GPC6: variants seen among roughly 807,000 people sequenced by gnomAD.
GPC6 encodes the protein glypican 6, also known as glypican-6.
GPC6 carries 14 observed loss-of-function variants against 55.2 expected under a neutral mutation model. That is an observed-to-expected ratio of 0.25 (90% CI 0.17 to 0.40). The LOEUF (loss-of-function observed/expected upper bound fraction) is 0.40. Among genes scored for constraint, GPC6 ranks in the 10% least tolerant of loss-of-function variants. The pLI, the probability that GPC6 is intolerant of heterozygous loss-of-function variation, is 1.00. For synonymous variants in GPC6, 278 were observed against 259.6 expected (o/e 1.07, Z -0.68); for missense variants, 641 against 708.5 (o/e 0.90, Z 1.08).
At chr13:94,056,115 G>C (rs1006840157) in intron 4 of GPC6, among the ~76,000 whole-genome samples, 3 of 152,156 alleles carry the variant, frequency 2.0e-5, no homozygotes, top group African/African-American at 7.2e-5. Context: ...AGTCATCTGT[G>C]ATAAATCCTG....
chr13:93,647,003 T>C (rs576225885), intron 2 of GPC6, among the ~76,000 whole-genome samples: 2 of 152,270 alleles, frequency 1.3e-5, no homozygotes, highest in Non-Finnish European at 2.9e-5. Flanking sequence ...CATTAAAAAG[T>C]ATTCAATTGC....
chr13:94,060,914 G>A (rs1284706622), intron 4 of GPC6, among the ~76,000 whole-genome samples: 2 of 152,138 alleles, frequency 1.3e-5, no homozygotes, highest in African/African-American at 2.4e-5. Context: ...CAACACTCAC[G>A]GAGTATTTTT....
chr13:93,324,587 C>CATATAT lies in GPC6; in HGVS notation c.160+96991_160+96996dup, dbSNP rs34871661. On this transcript the variant is annotated intron_variant, in intron 1 of 8. Coordinates refer to ENST00000377047, the MANE Select transcript of GPC6 (RefSeq NM_005708.5). ...ATATATATATACACACACATACATA[C>CATATAT]ATATATATATATATATATATATATA... Among the ~76,000 whole-genome samples the CATATAT allele has an allele frequency of 7.8e-3, 956 of 122,854 alleles. 5 individuals carry two copies. Among genetic ancestry groups the CATATAT allele is most frequent in the African/African-American group, 0.02 (690 of 35,180 alleles). The allele number at this position is 122,854 out of a possible 152,430, so 80.6% of individuals were successfully genotyped here. A position where few individuals can be genotyped will look rare whatever the true frequency, so the allele number is the denominator to read the frequency against.
chr13:93,516,505 C>T (rs191145354), intron 1 of GPC6, among the ~76,000 whole-genome samples: 1 of 152,154 alleles, frequency 6.6e-6, no homozygotes, highest in Admixed American at 6.5e-5. Flanking sequence ...GCTGTGAATA[C>T]ATTTTTCAAG....
intron 2 of GPC6, among the ~76,000 whole-genome samples, chr13:93,696,771 C>T (rs544357683): frequency 1.1e-3 from 161 of 151,960 alleles, no homozygotes; most frequent in East Asian, 3.9e-3. Context: ...TACAGGCACC[C>T]ACCACTACGC....
Position 93,444,333 on chromosome 13 carries a change from G to A in GPC6, c.161-100930G>A, listed in dbSNP as rs577772033. Reference sequence around the variant, plus strand: ...ATTAACTCATCATCACGCTACCCTGGCGCCGTGTCTCACGGCTGGAATCCC... The same window carrying A: ...ATTAACTCATCATCACGCTACCCTGACGCCGTGTCTCACGGCTGGAATCCC... On this transcript the variant is annotated intron_variant, in intron 1 of 8. Coordinates refer to ENST00000377047, the MANE Select transcript of GPC6 (RefSeq NM_005708.5). 5.3e-5 allele frequency among the ~76,000 whole-genome samples: 8 copies of A among 151,996 alleles called. No homozygotes were observed. In the East Asian group the frequency reaches 1.2e-3, roughly 22 times the overall value.
chr13:93,980,035 T>C (rs1319374565), intron 3 of GPC6, among the ~76,000 whole-genome samples: 1 of 152,138 alleles, frequency 6.6e-6, no homozygotes, highest in Non-Finnish European at 1.5e-5. Context: ...AGGCAACCTC[T>C]TTTTCCACTA....
intron 1 of GPC6, among the ~76,000 whole-genome samples, chr13:93,526,222 G>A (rs772120693): frequency 1.3e-5 from 2 of 151,860 alleles, no homozygotes; most frequent in Admixed American, 6.6e-5. Flanking sequence ...TCCATAAATC[G>A]CCATACATCA....
chr13:94,294,284 A>G (rs1238201236), intron 5 of GPC6, among the ~76,000 whole-genome samples: 1 of 152,192 alleles, frequency 6.6e-6, no homozygotes, highest in East Asian at 1.9e-4. Flanking sequence ...ATCTAAATTA[A>G]GAAGGAAGAC....
chr13:93,949,013 C>A (rs1219080820), intron 3 of GPC6, among the ~76,000 whole-genome samples: 1 of 152,140 alleles, frequency 6.6e-6, no homozygotes, highest in Non-Finnish European at 1.5e-5. Flanking sequence ...GGGCTTTCCT[C>A]TTCATTTTCA....
chr13:93,307,790 A>G (rs1427149827), intron 1 of GPC6, among the ~76,000 whole-genome samples: 1 of 152,196 alleles, frequency 6.6e-6, no homozygotes, highest in East Asian at 1.9e-4. Context: ...GACTATGTTA[A>G]TAATATATTT....
intron 3 of GPC6, among the ~76,000 whole-genome samples, chr13:94,014,863 C>T (rs1439431606): frequency 6.6e-6 from 1 of 152,120 alleles, no homozygotes; most frequent in Non-Finnish European, 1.5e-5. Flanking sequence ...AGTATGTATC[C>T]AAATTTTATT....
At position 94,081,844 on chromosome 13, in the gene GPC6, C is replaced by CTTTTTTTTTTTTTTTTTTT. The variant is rs201141414; in HGVS notation, c.877+53964_877+53965insTTTTTTTTTTTTTTTTTTT. Among the ~76,000 whole-genome samples the CTTTTTTTTTTTTTTTTTTT allele has an allele frequency of 1.1e-4, 14 of 133,000 alleles. 1 individual carries two copies. The highest frequency in any genetic ancestry group is 3.4e-4 in the African/African-American group (12 of 35,548). 87.3% of individuals were successfully genotyped at this position (133,000 alleles called of 152,430 possible). A position where few individuals can be genotyped will look rare whatever the true frequency, so the allele number is the denominator to read the frequency against. On this transcript the variant is annotated intron_variant, in intron 4 of 8. Coordinates refer to ENST00000377047, the MANE Select transcript of GPC6 (RefSeq NM_005708.5). ...CATGTCTATGCCTTCTACTACTTTC[C>CTTTTTTTTTTTTTTTTTTT]TTTTTTTTTTTTTTGAGACACAGTC... is the stretch of plus-strand genomic sequence containing the variant.
intron 5 of GPC6, among the ~76,000 whole-genome samples, chr13:94,303,114 C>T (rs950324552): frequency 6.6e-6 from 1 of 152,328 alleles, no homozygotes; most frequent in South Asian, 2.1e-4. Context: ...GAAAGCTCAG[C>T]TCCAGCCGTA....
chr13:93,390,057 C>G (rs1875558115), intron 1 of GPC6, among the ~76,000 whole-genome samples: 1 of 151,094 alleles, frequency 6.6e-6, no homozygotes, highest in South Asian at 2.1e-4. Flanking sequence ...AAGCCTGGAT[C>G]TCTTAATATG....
At chr13:93,771,557 C>A (rs1446897240) in intron 2 of GPC6, among the ~76,000 whole-genome samples, 1 of 152,088 alleles carries the variant, frequency 6.6e-6, no homozygotes, top group African/African-American at 2.4e-5. Context: ...TCACAACAAG[C>A]TGTGCAGTCC....
At chr13:94,084,655 G>A (rs1262860292) in intron 4 of GPC6, among the ~76,000 whole-genome samples, 5 of 152,058 alleles carry the variant, frequency 3.3e-5, no homozygotes, top group African/African-American at 7.2e-5. Flanking sequence ...GTTGAAAGGG[G>A]AATTCTCTTT....
intron 1 of GPC6, among the ~76,000 whole-genome samples, chr13:93,263,000 T>A (rs746496427): frequency 1.3e-5 from 2 of 152,116 alleles, no homozygotes; most frequent in East Asian, 1.9e-4. Context: ...GCTTTATGGG[T>A]TTTTTTAACA....
chr13:94,189,920 C>A lies in GPC6; in HGVS notation c.878-96429C>A, dbSNP rs547641273. On this transcript the variant is annotated intron_variant, in intron 4 of 8. Transcript: ENST00000377047. ...CCTGTAGTCCCAGCTACTCAGGAGG[C>A]TGAGGCAGGAGAATCGCTTGAAACT... 3.8e-3 allele frequency among the ~76,000 whole-genome samples: 582 copies of A among 151,906 alleles called. 6 individuals are homozygous for A. The highest frequency in any genetic ancestry group is 0.013 in the African/African-American group (553 of 41,422).
Sources: allele counts gnomAD v4.1 joint callset (sites outside exome capture counted in the v4.1 genomes callset), GRCh38; gene constraint gnomAD v4.1.1; transcripts MANE v1.5; gene names NCBI Gene and HGNC (gene_info 2026-07-23, HGNC 2026-07-21).